The following LARGE1 variants were observed in gnomAD, a reference collection of about 807,000 sequenced individuals.
LARGE1 encodes the protein xylosyl- and glucuronyltransferase LARGE1.
Under a neutral mutation model 87.6 loss-of-function variants are expected in LARGE1, and 43 were observed. The observed-to-expected ratio is 0.49, with a 90% confidence interval of 0.38 to 0.63. The LOEUF (loss-of-function observed/expected upper bound fraction) is 0.63. LARGE1 is among the 30% of genes least tolerant of loss of function. The probability of loss-of-function intolerance (pLI) is 0.00; values close to 1 mark genes in which losing one functional copy is unlikely to be tolerated. For missense variants in LARGE1, 802 were observed against 1,000.2 expected, an observed-to-expected ratio of 0.80 and a Z score of 2.67; for synonymous variants, 434 against 394.6, an observed-to-expected ratio of 1.10 and a Z score of -1.18.
chr22:33,363,813 G>T (rs1013523455), intron 9 of LARGE1, among the ~76,000 whole-genome samples: 1 of 149,846 alleles, frequency 6.7e-6, no homozygotes, highest in Admixed American at 6.6e-5. Flanking sequence ...CGATCCCAGA[G>T]AGTCAATCTG....
chr22:33,641,700 T>C (rs375437593), intron 3 of LARGE1, among the ~76,000 whole-genome samples: 1 of 152,172 alleles, frequency 6.6e-6, no homozygotes, highest in Non-Finnish European at 1.5e-5. Context: ...AATGACCTGA[T>C]GGAGCTGAAA....
Position 33,639,022 on chromosome 22 carries a change from G to T in LARGE1, c.408+11345C>A, listed in dbSNP as rs546185167. Reference sequence around the variant, plus strand: ...GGGTATGTGCTGAGTGGGCTTTTGTGACCATTTCAACTAACAGAATCCACT... The same window carrying T: ...GGGTATGTGCTGAGTGGGCTTTTGTTACCATTTCAACTAACAGAATCCACT... On this transcript the variant is annotated intron_variant, in intron 3 of 14. Coordinates refer to ENST00000397394, the MANE Select transcript of LARGE1 (RefSeq NM_133642.5). 1.6e-4 allele frequency among the ~76,000 whole-genome samples: 24 copies of T among 152,244 alleles called. 1 individual carries two copies. In the Middle Eastern group the frequency reaches 0.017, roughly 108 times the overall value.
Position 33,273,304 on chromosome 22 carries a change from G to C in LARGE1, c.*1123C>G, listed in dbSNP as rs1928504969. 5.0e-6 allele frequency: 2 copies of C among 398,148 alleles called. No individual in the cohort carries two copies. The highest frequency in any genetic ancestry group is 8.8e-5 in the Admixed American group (2 of 22,718). 24.7% of individuals were successfully genotyped at this position (398,148 alleles called of 1,614,324 possible). ...TACCCTTGGACAGGTCCCAAAGGGA[G>C]ACTGAGGTTGTCACCTCTTCCCATC... On this transcript the variant is annotated 3_prime_UTR_variant, in exon 15 of 15. Coordinates refer to ENST00000397394, the MANE Select transcript of LARGE1 (RefSeq NM_133642.5).
chr22:33,785,330 C>G (rs1450343649), intron 1 of LARGE1, among the ~76,000 whole-genome samples: 3 of 151,848 alleles, frequency 2.0e-5, no homozygotes, highest in Non-Finnish European at 4.4e-5. Flanking sequence ...TTAAATTAGC[C>G]ATCCATTTTA....
At chr22:33,325,540 A>T (rs1343557501) in intron 10 of LARGE1, among the ~76,000 whole-genome samples, 1 of 152,248 alleles carries the variant, frequency 6.6e-6, no homozygotes, top group Non-Finnish European at 1.5e-5. Flanking sequence ...CCTGCCAATC[A>T]TGAACACCCA....
chr22:33,637,360 A>G (rs766104226), intron 3 of LARGE1, among the ~76,000 whole-genome samples: 2 of 152,238 alleles, frequency 1.3e-5, no homozygotes, highest in African/African-American at 2.4e-5. Context: ...ATATGCAACA[A>G]GAGAAGGCTA....
chr22:33,607,903 C>T (rs2079312213), intron 4 of LARGE1, among the ~76,000 whole-genome samples: 1 of 152,212 alleles, frequency 6.6e-6, no homozygotes, highest in South Asian at 2.1e-4. Context: ...TCTATGCTCA[C>T]CATGCTCAGG....
At chr22:33,102,455 G>C in the LARGE1 span, among the ~76,000 whole-genome samples, 3 of 151,570 alleles carry the variant, frequency 2.0e-5, no homozygotes, top group South Asian at 6.2e-4. Context: ...ACAGGTATGA[G>C]CCACTGCACC....
chr22:33,794,491 A>G (rs1473463908), intron 1 of LARGE1, among the ~76,000 whole-genome samples: 11 of 152,222 alleles, frequency 7.2e-5, no homozygotes, highest in Admixed American at 7.2e-4. Context: ...GCCTCTTCAG[A>G]CAGACCAGAG....
Position 33,650,553 on chromosome 22 carries a change from C to T in LARGE1, c.222G>A (p.Glu74=). 6.2e-7 allele frequency: 1 copy of T among 1,609,036 alleles called. No individual in the cohort carries two copies. The part of the protein sequence containing the change: ...SLEVRMREVE[E]ENRALRRQLS... ...GCTGCCTGCGGAGGGCGCGGTTCTC[C>T]TCCTCCACCTCGCGCATGCGCACCT... is the stretch of plus-strand genomic sequence containing the variant. Residue 74 remains glutamate (E), a synonymous_variant, in exon 3 of 15, where the codon GAG becomes GAA. Transcript: ENST00000397394.
intron 2 of LARGE1, among the ~76,000 whole-genome samples, chr22:33,668,970 C>G (rs1248936525): frequency 1.3e-5 from 2 of 152,176 alleles, no homozygotes; most frequent in Admixed American, 6.5e-5. Flanking sequence ...GACCCTTCAG[C>G]AGACCTCTGT....
rs56262022 is a variant in LARGE1, at chr22:33,513,812, T to TACACACACACACACACAC, written c.787+51018_787+51035dup. ...AGCTCTAGAGACTTAAGAGCTGATG[T>TACACACACACACACACAC]ACACACACACACACACACACACACA... is the stretch of plus-strand genomic sequence containing the variant. On this transcript the variant is annotated intron_variant, in intron 6 of 14. Coordinates refer to ENST00000397394, the MANE Select transcript of LARGE1 (RefSeq NM_133642.5). Among the ~76,000 whole-genome samples, 258 of 143,282 alleles carry TACACACACACACACACAC rather than the reference T, an allele frequency of 1.8e-3. 2 individuals carry two copies. The highest frequency in any genetic ancestry group is 3.2e-3 in the Admixed American group (45 of 14,238). 94.0% of individuals were successfully genotyped at this position (143,282 alleles called of 152,430 possible).
At chr22:33,473,869 TC>T (rs1400042337) in intron 6 of LARGE1, among the ~76,000 whole-genome samples, 1 of 152,200 alleles carries the variant, frequency 6.6e-6, no homozygotes, top group Non-Finnish European at 1.5e-5. Context: ...TAAAATTAAT[TC>T]TGTTCTATGA....
At chr22:33,398,120 C>T (rs1011960174) in intron 7 of LARGE1, among the ~76,000 whole-genome samples, 3 of 151,962 alleles carry the variant, frequency 2.0e-5, no homozygotes, top group African/African-American at 4.8e-5. Flanking sequence ...CAGCTATGCA[C>T]CAACAGAGAC....
chr22:33,872,828 T>C (rs1352210950), intron 1 of LARGE1, among the ~76,000 whole-genome samples: 1 of 151,860 alleles, frequency 6.6e-6, no homozygotes, highest in Non-Finnish European at 1.5e-5. Context: ...CAAAACCCTG[T>C]CTCTACTGAA....
intron 1 of LARGE1, among the ~76,000 whole-genome samples, chr22:33,909,102 C>G (rs2065545380): frequency 6.6e-6 from 1 of 152,154 alleles, no homozygotes; most frequent in Non-Finnish European, 1.5e-5. Context: ...TTCACCAAAG[C>G]TCTACCCCAA....
intron 11 of LARGE1, among the ~76,000 whole-genome samples, chr22:33,202,472 T>G (rs562702062): frequency 3.9e-5 from 6 of 152,296 alleles, no homozygotes; most frequent in African/African-American, 1.4e-4. Context: ...AGCCATTCAT[T>G]TCATTCATTT....
chr22:33,286,893 T>A (rs905807363), intron 12 of LARGE1, among the ~76,000 whole-genome samples: 2 of 152,238 alleles, frequency 1.3e-5, no homozygotes, highest in African/African-American at 2.4e-5. Context: ...CCTGCCCCTA[T>A]ACATAGAAGC....
At chr22:33,073,227 G>A in the LARGE1 span, among the ~76,000 whole-genome samples, 12 of 152,152 alleles carry the variant, frequency 7.9e-5, no homozygotes, top group Non-Finnish European at 1.6e-4. Context: ...AAACTTTGCA[G>A]ACATTTTCTC....
Sources: gnomAD v4.1 joint callset for allele counts (sites outside exome capture counted in the v4.1 genomes callset) on GRCh38, gnomAD v4.1.1 for gene constraint, MANE v1.5 for transcripts, NCBI Gene and HGNC (gene_info 2026-07-23, HGNC 2026-07-21) for gene names.